Variants in KMT2C observed in about 807,000 individuals in gnomAD.
KMT2C encodes lysine methyltransferase 2C, also known as histone-lysine N-methyltransferase 2C.
A neutral mutation model predicts 507.9 loss-of-function variants in KMT2C; 88 were observed. That is an observed-to-expected ratio of 0.17 (90% confidence interval 0.15 to 0.21). The LOEUF is 0.21. Among genes scored for constraint, KMT2C ranks in the 10% least tolerant of loss-of-function variants. The probability of loss-of-function intolerance (pLI) is 1.00; values close to 1 mark genes in which losing one functional copy is unlikely to be tolerated. For synonymous variants in KMT2C, 2,049 were observed against 2,080.8 expected (o/e 0.98, Z 0.42); for missense variants, 4,954 against 5,957.8 (o/e 0.83, Z 5.55).
rs751682129 is a variant in KMT2C at position 152,199,259 on chromosome 7, C to G, written c.4273+20G>C. Reference sequence around the variant, plus strand: ...ATGTTATATGATATAAAGAAAATATCTGTGAATAATTCTACATACCGTGAG... The same window carrying G: ...ATGTTATATGATATAAAGAAAATATGTGTGAATAATTCTACATACCGTGAG... On this transcript the variant is annotated intron_variant, in intron 27 of 58. Transcript: ENST00000262189. The G allele has an allele frequency of 6.4e-7, 1 of 1,551,952 alleles. No homozygotes were observed. The highest frequency in any genetic ancestry group is 8.7e-7 in the Non-Finnish European group (1 of 1,151,262).
At chr7:152,224,826 A>G (rs531158086) in intron 18 of KMT2C, among the ~76,000 whole-genome samples, 1 of 152,306 alleles carries the variant, frequency 6.6e-6, no homozygotes, top group East Asian at 1.9e-4. Flanking sequence ...AGAAAATGGC[A>G]CATATTTTAA....
intron 1 of KMT2C, among the ~76,000 whole-genome samples, chr7:152,412,380 G>A (rs1201710241): frequency 2.0e-5 from 3 of 152,166 alleles, no homozygotes; most frequent in Admixed American, 6.5e-5. Flanking sequence ...CAGCCTGGGC[G>A]ACAGAGCAAG....
intron 40 of KMT2C, among the ~76,000 whole-genome samples, chr7:152,170,661 C>T (rs1007794358): frequency 6.6e-6 from 1 of 152,078 alleles, no homozygotes; most frequent in Non-Finnish European, 1.5e-5. Flanking sequence ...CGCCACCACG[C>T]CTGACTAATT....
chr7:152,201,617 G>GGAAAAAAAAAAAAAAAAAAAAAA (rs1491277955), intron 26 of KMT2C, among the ~76,000 whole-genome samples: 2 of 22,874 alleles, frequency 8.7e-5, no homozygotes, highest in African/African-American at 1.6e-4. Flanking sequence ...CAACAAAGAT[G>GGAAAAAAAAAAAAAAAAAAAAAA]AAAAAAAAAA....
intron 2 of KMT2C, among the ~76,000 whole-genome samples, chr7:152,346,652 C>G (rs1337864867): frequency 6.6e-6 from 1 of 152,054 alleles, no homozygotes; most frequent in Non-Finnish European, 1.5e-5. Flanking sequence ...GGGCTCCAAC[C>G]CCCCCACCAC....
At chr7:152,398,590 A>C (rs1049550423) in intron 1 of KMT2C, among the ~76,000 whole-genome samples, 9 of 150,972 alleles carry the variant, frequency 6.0e-5, no homozygotes, top group African/African-American at 2.2e-4. Flanking sequence ...TCTGTCACCC[A>C]GTGAAACACA....
chr7:152,184,668 G>A (rs1166468518), intron 34 of KMT2C, among the ~76,000 whole-genome samples: 1 of 152,188 alleles, frequency 6.6e-6, no homozygotes, highest in Non-Finnish European at 1.5e-5. Flanking sequence ...TGGGGTATTG[G>A]TTCCAGGATT....
intron 1 of KMT2C, chr7:152,368,000 A>G (rs1230184577): frequency 1.2e-6 from 1 of 853,804 alleles, no homozygotes; most frequent in African/African-American, 1.7e-5. Flanking sequence ...AAATCCAAGA[A>G]CATAAAATTA....
chr7:152,187,269 T>A lies in KMT2C; in HGVS notation c.5001A>T (p.Glu1667Asp), dbSNP rs2129124506. ...TNINFPNLKE[E>D]FPDWTTRVKQ... The stretch of plus-strand genomic sequence containing the variant: ...AATATATTCATGGCTTACCAGGGAA[T>A]TCTTCCTTTAAGTTGGGGAAATTAA... The change falls in exon 33 of 59, where the codon GAA becomes GAT. Residue 1667 changes from glutamate (E) to aspartate (D), a missense_variant. Glu to Asp is a conservative substitution (Grantham distance 45, BLOSUM62 2). Around this residue, in one of 29 missense-constraint regions of KMT2C, gnomAD observed 24 missense variants for 52.9 expected, o/e 0.45. Coordinates refer to ENST00000262189, the MANE Select transcript of KMT2C (RefSeq NM_170606.3). The A allele has an allele frequency of 6.2e-7, 1 of 1,612,840 alleles. No individual in the cohort carries two copies. Among genetic ancestry groups the A allele is most frequent in the Non-Finnish European group, 8.5e-7 (1 of 1,178,834 alleles).
chr7:152,312,034 T>A, intron 4 of KMT2C, 88 bp from the exon 5 acceptor site: 2 of 1,006,310 alleles, frequency 2.0e-6, no homozygotes, highest in Non-Finnish European at 2.8e-6. Flanking sequence ...TACTGCCAAA[T>A]CAATTTTAAT....
At chr7:152,172,409 G>C (rs2093003187) in intron 39 of KMT2C, among the ~76,000 whole-genome samples, 1 of 152,162 alleles carries the variant, frequency 6.6e-6, no homozygotes, top group Non-Finnish European at 1.5e-5. Flanking sequence ...TTAAAACTAA[G>C]TGCTGGTCGG....
chr7:152,274,885 A>G (rs2096053811), intron 6 of KMT2C, among the ~76,000 whole-genome samples: 1 of 152,192 alleles, frequency 6.6e-6, no homozygotes, highest in Non-Finnish European at 1.5e-5. Flanking sequence ...GCTGCTTGAA[A>G]CAGGCCCTAA....
intron 1 of KMT2C, among the ~76,000 whole-genome samples, chr7:152,422,858 A>C (rs933298687): frequency 2.6e-5 from 4 of 151,726 alleles, no homozygotes; most frequent in East Asian, 1.9e-4. Context: ...CCCGTCTCTA[A>C]TAAAAATACA....
chr7:152,393,786 G>T (rs2097519388), intron 1 of KMT2C, among the ~76,000 whole-genome samples: 1 of 152,034 alleles, frequency 6.6e-6, no homozygotes, highest in African/African-American at 2.4e-5. Flanking sequence ...CAGCTACTGG[G>T]GAGGTTGAGG....
chr7:152,162,933 T>C lies in KMT2C; in HGVS notation c.10644A>G (p.Pro3548=). ...NLSGTSFQQS[P]VRPSFTPALP... ...AAGCAGGTGTAAAAGAAGGCCTCACTGGGGACTGCTGGAAGCTGGTCCCAG... is the reference window on the plus strand; with the variant it reads ...AAGCAGGTGTAAAAGAAGGCCTCACCGGGGACTGCTGGAAGCTGGTCCCAG... Residue 3548 remains proline, a synonymous_variant, in exon 43 of 59, where the codon CCA becomes CCG. Transcript: ENST00000262189. 1 of 1,614,160 alleles carries C rather than the reference T, an allele frequency of 6.2e-7. No homozygotes were observed. Among genetic ancestry groups the C allele is most frequent in the Non-Finnish European group, 8.5e-7 (1 of 1,180,028 alleles).
chr7:152,217,656 C>T (rs1170845178), intron 23 of KMT2C, among the ~76,000 whole-genome samples: 4 of 151,938 alleles, frequency 2.6e-5, no homozygotes, highest in Non-Finnish European at 5.9e-5. Context: ...TATTTTATCA[C>T]GTAAATTTTA....
chr7:152,171,317 T>A lies in KMT2C; in HGVS notation c.9400A>T (p.Thr3134Ser), dbSNP rs2129108587. 6.2e-7 allele frequency: 1 copy of A among 1,607,508 alleles called. No individual in the cohort carries two copies. The highest frequency in any genetic ancestry group is 8.5e-7 in the Non-Finnish European group (1 of 1,176,860). ...SRFPFMGQVV[T>S]GTQNSEGQNL... ...TGTCCTTCACTGTTCTGTGTTCCAG[T>A]TACCACCTGGCCCATAAAAGGGAAC... is the stretch of plus-strand genomic sequence containing the variant. The change falls in exon 40 of 59, where the codon ACT becomes TCT. Residue 3134 changes from threonine (T) to serine (S), a missense_variant. Thr to Ser is a moderately conservative substitution (Grantham distance 58, BLOSUM62 1). This residue lies in a region of KMT2C where 1,689 missense variants were observed against 1,654.3 expected (regional missense o/e 1.02). Coordinates refer to ENST00000262189, the MANE Select transcript of KMT2C (RefSeq NM_170606.3).
chr7:152,136,844 CT>C lies in KMT2C; in HGVS notation c.14723del (p.Lys4908SerfsTer3). ...CAAGGAATGCATTTCAGTTCATCCA[CT>C]TCCGGCAGTTCACAGCTCCACAGTG... ...PCHCGAVNCRKWMN is the reference protein window; with the variant it reads ...PCHCGAVNCRXWMN On this transcript the variant is annotated frameshift_variant, in exon 59 of 59. Coordinates refer to ENST00000262189, the MANE Select transcript of KMT2C (RefSeq NM_170606.3). LOFTEE classifies it high-confidence loss of function. The C allele has an allele frequency of 6.2e-7, 1 of 1,613,366 alleles. No homozygotes were observed. Among genetic ancestry groups the C allele is most frequent in the Non-Finnish European group, 8.5e-7 (1 of 1,179,646 alleles).
chr7:152,157,959 G>A, intron 44 of KMT2C: 1 of 1,281,504 alleles, frequency 7.8e-7, no homozygotes, highest in Non-Finnish European at 1.0e-6. Context: ...TAATGTACAT[G>A]ATAAAAGGAA....
Sources: gnomAD v4.1 joint callset for allele counts (sites outside exome capture counted in the v4.1 genomes callset) on GRCh38, gnomAD v4.1.1 for gene constraint, gnomAD v4.1.1 regional missense constraint, MANE v1.5 for transcripts, NCBI Gene and HGNC (gene_info 2026-07-23, HGNC 2026-07-21) for gene names.